Variants in LGSN observed in about 807,000 individuals in gnomAD.
LGSN encodes the protein lengsin, lens protein with glutamine synthetase domain, also known as lengsin.
LGSN carries 21 observed loss-of-function variants against 19.5 expected under a neutral mutation model. The observed-to-expected ratio is 1.07, with a 90% CI of 0.76 to 1.55. The LOEUF (loss-of-function observed/expected upper bound fraction) is 1.55, where lower values mean the gene tolerates loss of function less well. Among genes scored for constraint, LGSN ranks in the 40% most tolerant of loss-of-function variants. The probability of loss-of-function intolerance (pLI) is 0.00; values close to 1 mark genes in which losing one functional copy is unlikely to be tolerated. For synonymous variants in LGSN, 257 were observed against 215.6 expected (o/e 1.19, Z -1.68); for missense variants, 673 against 608.5 (o/e 1.11, Z -1.12).
At chr6:63,446,398 A>T in the LGSN span, among the ~76,000 whole-genome samples, 1 of 152,122 alleles carries the variant, frequency 6.6e-6, no homozygotes, top group East Asian at 1.9e-4. Context: ...AGCTTAATCT[A>T]TCTCCCTCTA....
the LGSN span, among the ~76,000 whole-genome samples, chr6:63,336,042 G>A: frequency 6.6e-6 from 1 of 151,650 alleles, no homozygotes; most frequent in African/African-American, 2.4e-5. Context: ...ATCACATAGA[G>A]GTAAAGACAG....
the LGSN span, among the ~76,000 whole-genome samples, chr6:63,334,886 C>T: frequency 6.6e-6 from 1 of 152,096 alleles, no homozygotes; most frequent in East Asian, 1.9e-4. Context: ...CATCTGTAAT[C>T]TCAGCACTTT....
the LGSN span, chr6:63,548,978 C>T: frequency 1.8e-5 from 13 of 737,344 alleles, no homozygotes; most frequent in East Asian, 2.8e-4. Flanking sequence ...AAGGGACCCG[C>T]ATTTTATGAC....
chr6:63,361,267 A>C, the LGSN span, among the ~76,000 whole-genome samples: 3 of 152,188 alleles, frequency 2.0e-5, no homozygotes. Context: ...GAGTCTACAG[A>C]TGCAGGCAGT....
the LGSN span, among the ~76,000 whole-genome samples, chr6:63,458,935 A>G: frequency 6.6e-6 from 1 of 152,214 alleles, no homozygotes; most frequent in Non-Finnish European, 1.5e-5. Context: ...TGTTACCATT[A>G]TGTAAAGTTT....
At chr6:63,351,173 C>A in the LGSN span, among the ~76,000 whole-genome samples, 1 of 152,100 alleles carries the variant, frequency 6.6e-6, no homozygotes, top group Non-Finnish European at 1.5e-5. Context: ...TGTGAGAAAA[C>A]CCTGTCTGTG....
chr6:63,323,416 G>C (rs80102770), upstream of LGSN, among the ~76,000 whole-genome samples: 446 of 152,142 alleles, frequency 2.9e-3, 3 homozygotes, highest in African/African-American at 0.01. Flanking sequence ...AGTCTCTACT[G>C]TCTATTCACA....
the LGSN span, among the ~76,000 whole-genome samples, chr6:63,330,098 C>T: frequency 1.8e-3 from 269 of 152,354 alleles, 1 homozygote; most frequent in African/African-American, 6.1e-3. Flanking sequence ...GTTGGGGCTT[C>T]TGACCCAGGG....
At chr6:63,458,398 T>C in the LGSN span, among the ~76,000 whole-genome samples, 6 of 152,200 alleles carry the variant, frequency 3.9e-5, no homozygotes, top group Non-Finnish European at 5.9e-5. Context: ...ACCATATATA[T>C]TAGCGTTGGA....
the LGSN span, chr6:63,550,354 G>T: frequency 1.3e-5 from 2 of 152,134 alleles, no homozygotes; most frequent in Non-Finnish European, 2.9e-5. Flanking sequence ...GAGAGGCTTG[G>T]GTCACCATTT....
chr6:63,556,331 T>C, the LGSN span, among the ~76,000 whole-genome samples: 2 of 151,984 alleles, frequency 1.3e-5, no homozygotes, highest in Non-Finnish European at 2.9e-5. Context: ...GTTTTTTTTT[T>C]TCTTGCCTTT....
the LGSN span, among the ~76,000 whole-genome samples, chr6:63,360,269 T>G: frequency 3.9e-5 from 6 of 152,332 alleles, no homozygotes; most frequent in South Asian, 1.2e-3. Flanking sequence ...TCAACTTGGT[T>G]CCATTCTCCC....
chr6:63,287,709 CAATAAT>C (rs980018367), intron 2 of LGSN, among the ~76,000 whole-genome samples: 2 of 151,506 alleles, frequency 1.3e-5, no homozygotes, highest in African/African-American at 4.9e-5. Flanking sequence ...CTGTCTTAAC[CAATAAT>C]AATAATAATA....
intron 2 of LGSN, 152 bp from the exon 3 acceptor site, chr6:63,285,905 T>G: frequency 1.6e-6 from 1 of 640,194 alleles, no homozygotes; most frequent in Non-Finnish European, 2.7e-6. Context: ...CTTACCTTTC[T>G]TATTCTGCCT....
the LGSN span, among the ~76,000 whole-genome samples, chr6:63,506,628 A>G: frequency 2.6e-5 from 4 of 152,164 alleles, no homozygotes; most frequent in Admixed American, 1.3e-4. Flanking sequence ...TCTATCTCTG[A>G]TTGCTAACCC....
chr6:63,556,521 G>A, the LGSN span, among the ~76,000 whole-genome samples: 269 of 152,194 alleles, frequency 1.8e-3, no homozygotes, highest in Non-Finnish European at 3.2e-3. Context: ...AATTGCCCTA[G>A]GTGTGCCTTG....
At chr6:63,567,922 T>C in the LGSN span, among the ~76,000 whole-genome samples, 1 of 152,242 alleles carries the variant, frequency 6.6e-6, no homozygotes, top group African/African-American at 2.4e-5. Context: ...CTTCTACTCT[T>C]AAACCTCATG....
At chr6:63,450,326 A>C in the LGSN span, among the ~76,000 whole-genome samples, 1 of 151,848 alleles carries the variant, frequency 6.6e-6, no homozygotes, top group African/African-American at 2.4e-5. Context: ...TGCACACTGC[A>C]CTCCAGCCTG....
chr6:63,457,366 G>A, the LGSN span, among the ~76,000 whole-genome samples: 1 of 152,016 alleles, frequency 6.6e-6, no homozygotes, highest in Non-Finnish European at 1.5e-5. Flanking sequence ...TTAGCCAGTC[G>A]TGGTGGCACA....
Sources: allele counts gnomAD v4.1 joint callset (sites outside exome capture counted in the v4.1 genomes callset), GRCh38; gene constraint gnomAD v4.1.1; transcripts MANE v1.5; gene names NCBI Gene and HGNC (gene_info 2026-07-23, HGNC 2026-07-21).